Variants in COL22A1 observed in about 807,000 individuals in gnomAD.
The protein encoded by COL22A1 is collagen alpha-1(XXII) chain.
Under a neutral mutation model 248.9 loss-of-function variants are expected in COL22A1, and 221 were observed. The ratio of observed to expected loss-of-function variants is 0.89; its 90% CI spans 0.80 to 0.99. COL22A1 has a LOEUF of 0.99. COL22A1 is among the 50% of genes least tolerant of loss of function. The pLI is 0.00. For synonymous variants in COL22A1, 891 were observed against 793.4 expected (o/e 1.12, Z -2.07); for missense variants, 2,240 against 2,179.0 (o/e 1.03, Z -0.56).
At chr8:138,649,405 C>T (rs1048475793) in intron 46 of COL22A1, among the ~76,000 whole-genome samples, 2 of 152,162 alleles carry the variant, frequency 1.3e-5, no homozygotes, top group Non-Finnish European at 2.9e-5. Flanking sequence ...AGGAATGTAA[C>T]TGAATGAGTG....
At chr8:138,815,956 C>T (rs973839323) in intron 7 of COL22A1, among the ~76,000 whole-genome samples, 2 of 152,146 alleles carry the variant, frequency 1.3e-5, no homozygotes, top group Non-Finnish European at 2.9e-5. Flanking sequence ...GCCCCTCACC[C>T]CACTGACTTT....
At chr8:138,667,208 T>C (rs1315709176) in intron 41 of COL22A1, among the ~76,000 whole-genome samples, 3 of 152,226 alleles carry the variant, frequency 2.0e-5, no homozygotes, top group Non-Finnish European at 4.4e-5. Flanking sequence ...CGGCCTCTGA[T>C]GCGTTTGTTC....
intron 47 of COL22A1, among the ~76,000 whole-genome samples, chr8:138,637,439 G>A (rs1314830067): frequency 6.6e-6 from 1 of 152,126 alleles, no homozygotes; most frequent in African/African-American, 2.4e-5. Flanking sequence ...CACTAAAACT[G>A]CTCAAGTTGT....
At chr8:138,642,393 T>G (rs1481787810) in intron 47 of COL22A1, among the ~76,000 whole-genome samples, 1 of 152,210 alleles carries the variant, frequency 6.6e-6, no homozygotes, top group Non-Finnish European at 1.5e-5. Flanking sequence ...CTGAGCACTC[T>G]GCCCAACGCA....
At chr8:138,879,712 A>AAAAG (rs1554652804) in intron 2 of COL22A1, among the ~76,000 whole-genome samples, 13 of 83,216 alleles carry the variant, frequency 1.6e-4, no homozygotes, top group East Asian at 5.6e-4. Context: ...AAAAAAAAAA[A>AAAAG]AAGAAGAAGA....
intron 1 of COL22A1, among the ~76,000 whole-genome samples, chr8:138,894,191 GA>G (rs556325548): frequency 3.9e-5 from 6 of 152,226 alleles, no homozygotes; most frequent in Non-Finnish European, 7.3e-5. Flanking sequence ...GTGACCCAGA[GA>G]AAAGGTTCAG....
intron 41 of COL22A1, among the ~76,000 whole-genome samples, chr8:138,671,519 G>A (rs767881374): frequency 2.6e-5 from 4 of 152,234 alleles, no homozygotes; most frequent in Non-Finnish European, 4.4e-5. Flanking sequence ...ATCTCTGCGT[G>A]AGCAGTCTGT....
intron 7 of COL22A1, among the ~76,000 whole-genome samples, chr8:138,816,656 T>C (rs924986257): frequency 6.6e-6 from 1 of 152,198 alleles, no homozygotes; most frequent in Non-Finnish European, 1.5e-5. Flanking sequence ...TCAGTTTTTC[T>C]TTCTGTGAGA....
At chr8:138,748,394 C>CA (rs1832302585) in intron 22 of COL22A1, among the ~76,000 whole-genome samples, 1 of 152,190 alleles carries the variant, frequency 6.6e-6, no homozygotes, top group African/African-American at 2.4e-5. Flanking sequence ...AAGAAGTCAA[C>CA]ATGAGCTTTC....
At chr8:138,883,930 T>C (rs1217764347) in intron 1 of COL22A1, among the ~76,000 whole-genome samples, 5 of 152,296 alleles carry the variant, frequency 3.3e-5, no homozygotes, top group African/African-American at 4.8e-5. Context: ...CATCTGAATA[T>C]GGCATGAGGG....
chr8:138,901,391 G>C (rs181878930), intron 1 of COL22A1, among the ~76,000 whole-genome samples: 1 of 127,916 alleles, frequency 7.8e-6, no homozygotes, highest in Non-Finnish European at 1.6e-5. Flanking sequence ...TTTTGAGACA[G>C]TCTCTCACTC....
rs74477485 is a variant in COL22A1 at position 138,907,293 on chromosome 8, G to A, written c.-73+6326C>T. On this transcript the variant is annotated intron_variant, in intron 1 of 64. Transcript: ENST00000303045. ...TTAGTCCCCTACAAGGGGAGCTTGT[G>A]GGAGGGAGCTCTGCTCATTACCCTC... Among the ~76,000 whole-genome samples, 1,282 of 152,336 alleles carry A rather than the reference G, an allele frequency of 8.4e-3. 19 individuals carry two copies. Among genetic ancestry groups the A allele is most frequent in the African/African-American group, 0.029 (1,210 of 41,574 alleles).
intron 36 of COL22A1, among the ~76,000 whole-genome samples, 195 bp from the exon 37 acceptor site, chr8:138,689,165 G>GGC (rs1554749871): frequency 4.0e-5 from 6 of 151,494 alleles, no homozygotes; most frequent in African/African-American, 1.5e-4. Context: ...TCCCGGGGGG[G>GGC]GGGCTGGCCT....
intron 45 of COL22A1, among the ~76,000 whole-genome samples, chr8:138,654,752 G>C (rs1823075089): frequency 6.6e-6 from 1 of 152,172 alleles, no homozygotes; most frequent in Non-Finnish European, 1.5e-5. Flanking sequence ...TCAGGCACCT[G>C]GGCACCTGTG....
rs146211207 is a variant in COL22A1 at position 138,616,042 on chromosome 8, C to T, written c.3883G>A (p.Ala1295Thr). 4.0e-5 allele frequency: 64 copies of T among 1,613,300 alleles called. No individual in the cohort carries two copies. The highest frequency in any genetic ancestry group is 5.0e-5 in the Admixed American group (3 of 60,006). The change falls in exon 55 of 65, where the codon GCC becomes ACC. Residue 1295 changes from alanine to threonine, a missense_variant. Coordinates refer to ENST00000303045, the MANE Select transcript of COL22A1 (RefSeq NM_152888.3). ...CCTTCCTGACCAGGAAGCCCCATGG[C>T]ACCAGACTCTCCCTAGGAACAAAAA... is the stretch of plus-strand genomic sequence containing the variant. ...GAPGPRGESG[A>T]MGLPGQEGLP... is the part of the protein sequence containing the mutation.
intron 49 of COL22A1, among the ~76,000 whole-genome samples, chr8:138,632,616 A>G (rs138856665): frequency 1.3e-3 from 203 of 152,296 alleles, no homozygotes; most frequent in African/African-American, 4.6e-3. Context: ...AATTTTAGAG[A>G]TGTAAAAATG....
chr8:138,773,312 G>A (rs1052255618), intron 16 of COL22A1, among the ~76,000 whole-genome samples: 3 of 152,134 alleles, frequency 2.0e-5, no homozygotes, highest in Admixed American at 6.5e-5. Context: ...GCTGCCCCCC[G>A]AGGGACCACA....
intron 64 of COL22A1, 138 bp downstream of exon 64, chr8:138,591,286 G>C (rs1192015462): frequency 2.3e-6 from 1 of 440,114 alleles, no homozygotes; most frequent in Non-Finnish European, 4.0e-6. Context: ...CCAAGTGAGT[G>C]ATCTCTGTCT....
chr8:138,631,257 T>C (rs1820699779), intron 49 of COL22A1, among the ~76,000 whole-genome samples: 1 of 152,200 alleles, frequency 6.6e-6, no homozygotes, highest in Non-Finnish European at 1.5e-5. Context: ...AGATCTTACA[T>C]TCTGTGCCCC....
Sources: gnomAD v4.1 joint callset for allele counts (sites outside exome capture counted in the v4.1 genomes callset) on GRCh38, gnomAD v4.1.1 for gene constraint, MANE v1.5 for transcripts, NCBI Gene and HGNC (gene_info 2026-07-23, HGNC 2026-07-21) for gene names.